Variants in DTNB observed in about 807,000 individuals in gnomAD.
DTNB encodes the protein DTN-B.
In DTNB, 63 loss-of-function variants were observed where a neutral mutation model predicts 90.7. That is an observed-to-expected ratio of 0.69 (90% CI 0.57 to 0.86). DTNB has a LOEUF of 0.86. Among genes scored for constraint, DTNB ranks in the 40% least tolerant of loss-of-function variants. The probability of loss-of-function intolerance (pLI) is 0.00; values close to 1 mark genes in which losing one functional copy is unlikely to be tolerated. For missense variants in DTNB, 744 were observed against 807.1 expected (o/e 0.92, Z 0.95); for synonymous variants, 277 against 286.7 (o/e 0.97, Z 0.34).
Position 25,425,972 on chromosome 2 carries a change from A to G in DTNB, c.1554+1563T>C, listed in dbSNP as rs2051442968. On this transcript the variant is annotated intron_variant, in intron 15 of 20. Coordinates refer to ENST00000406818, the MANE Select transcript of DTNB (RefSeq NM_021907.5). The stretch of plus-strand genomic sequence containing the variant: ...GTCCTAGCCACTCAGGAGGCTGAGG[A>G]AGGAGGATCCCTTGGACCCAGCTCA... 2.0e-5 allele frequency among the ~76,000 whole-genome samples: 3 copies of G among 152,194 alleles called. No individual in the cohort carries two copies. In the South Asian group the frequency reaches 6.2e-4, roughly 32 times the overall value.
chr2:25,609,244 A>C (rs980432609), intron 4 of DTNB, among the ~76,000 whole-genome samples: 2 of 152,206 alleles, frequency 1.3e-5, no homozygotes, highest in Admixed American at 1.3e-4. Context: ...ACCTGAAGTA[A>C]AGTGGCCCAC....
In DTNB at chr2:25,648,993, C is replaced by CTTTTTTTTTTTT. The variant is rs60749102; in HGVS notation, c.67+3589_67+3600dup. 1.7e-4 allele frequency among the ~76,000 whole-genome samples: 16 copies of CTTTTTTTTTTTT among 94,032 alleles called. 1 individual carries two copies. Among genetic ancestry groups the CTTTTTTTTTTTT allele is most frequent in the Admixed American group, 3.9e-4 (3 of 7,628 alleles). 61.7% of individuals were successfully genotyped at this position (94,032 alleles called of 152,430 possible). On this transcript the variant is annotated intron_variant, in intron 2 of 20. Transcript: ENST00000406818. ...AAAAACAAGACGCTATCCTTCCTACCTTTTTTTTTTTTTTTTTTTTTTTTT... is the reference window on the plus strand; with the variant it reads ...AAAAACAAGACGCTATCCTTCCTACCTTTTTTTTTTTTTTTTTTTTTTTTTTTTTTTTTTTTT...
intron 12 of DTNB, among the ~76,000 whole-genome samples, chr2:25,448,097 C>A (rs1008501562): frequency 6.6e-6 from 1 of 152,224 alleles, no homozygotes; most frequent in Non-Finnish European, 1.5e-5. Flanking sequence ...CAGAAGCTAT[C>A]CCTTACTCTC....
At chr2:25,558,846 C>T (rs1211445870) in intron 8 of DTNB, among the ~76,000 whole-genome samples, 10 of 152,190 alleles carry the variant, frequency 6.6e-5, no homozygotes, top group Admixed American at 6.5e-4. Context: ...GACTATTCCC[C>T]CTAACCCTTG....
At chr2:25,484,600 A>T (rs569107847) in intron 9 of DTNB, among the ~76,000 whole-genome samples, 10 of 152,308 alleles carry the variant, frequency 6.6e-5, no homozygotes, top group African/African-American at 2.4e-4. Context: ...ATTTTTAAAA[A>T]TGATTTTTCC....
chr2:25,498,847 C>CAAAAA (rs34017287), intron 9 of DTNB, among the ~76,000 whole-genome samples: 91 of 64,776 alleles, frequency 1.4e-3, no homozygotes, highest in East Asian at 2.8e-3. Flanking sequence ...AACCCTGTCT[C>CAAAAA]AAAAAAAAAA....
intron 9 of DTNB, among the ~76,000 whole-genome samples, chr2:25,530,070 A>ATTC (rs1474638637): frequency 6.6e-6 from 1 of 152,222 alleles, no homozygotes; most frequent in East Asian, 1.9e-4. Flanking sequence ...TATAATTATG[A>ATTC]AAAACAGGGA....
intron 5 of DTNB, among the ~76,000 whole-genome samples, chr2:25,603,466 C>T (rs1283625907): frequency 1.3e-5 from 2 of 152,138 alleles, no homozygotes; most frequent in Non-Finnish European, 2.9e-5. Flanking sequence ...TAAATGAATG[C>T]TACCTGGAGA....
At chr2:25,500,937 T>C (rs546991751) in intron 9 of DTNB, among the ~76,000 whole-genome samples, 2 of 152,334 alleles carry the variant, frequency 1.3e-5, no homozygotes, top group Admixed American at 6.5e-5. Context: ...CTGGCCACTT[T>C]TGAGGAGGCT....
At chr2:25,632,755 CCTTT>C (rs2076047505) in intron 3 of DTNB, among the ~76,000 whole-genome samples, 1 of 152,164 alleles carries the variant, frequency 6.6e-6, no homozygotes, top group Non-Finnish European at 1.5e-5. Flanking sequence ...AAAATAAATT[CCTTT>C]CTTTTTAAAT....
At chr2:25,431,462 G>A (rs2053825446) in intron 14 of DTNB, among the ~76,000 whole-genome samples, 1 of 152,140 alleles carries the variant, frequency 6.6e-6, no homozygotes, top group Non-Finnish European at 1.5e-5. Flanking sequence ...CTTTAAAATA[G>A]TCCCTCCTTT....
intron 9 of DTNB, among the ~76,000 whole-genome samples, chr2:25,515,527 A>T (rs1258895669): frequency 6.6e-6 from 1 of 152,202 alleles, no homozygotes; most frequent in Non-Finnish European, 1.5e-5. Flanking sequence ...TGGTGCAAGG[A>T]ATGGTCTTTT....
At chr2:25,434,203 T>A (rs1328454089) in intron 12 of DTNB, among the ~76,000 whole-genome samples, 2 of 152,086 alleles carry the variant, frequency 1.3e-5, no homozygotes, top group African/African-American at 4.8e-5. Flanking sequence ...ACATTTTCCA[T>A]CACCGCAAAA....
intron 5 of DTNB, 75 bp downstream of exon 5, chr2:25,607,161 T>C (rs2067285775): frequency 6.8e-7 from 1 of 1,479,296 alleles, no homozygotes; most frequent in Non-Finnish European, 9.2e-7. Context: ...ATAACATCAT[T>C]CAAAATTCTG....
intron 10 of DTNB, among the ~76,000 whole-genome samples, chr2:25,476,061 A>C (rs2063683663): frequency 7.6e-6 from 1 of 131,010 alleles, no homozygotes; most frequent in South Asian, 2.4e-4. Flanking sequence ...TGGATCAAGA[A>C]GTAATTTTTT....
At position 25,432,945 on chromosome 2, in the gene DTNB, C is replaced by T. The variant is rs541003415; in HGVS notation, c.1398G>A (p.Gln466=). 107 of 1,611,170 alleles carry T rather than the reference C, an allele frequency of 6.6e-5. 1 individual carries two copies. The South Asian group carries it at 1.2e-3, about 17-fold the overall frequency. The change falls in exon 14 of 21, where the codon CAG becomes CAA. Residue 466 remains glutamine (Q), a synonymous_variant. Transcript: ENST00000406818. The part of the protein sequence containing the change: ...RLRLEHEQAS[Q]PTPEKAQQNP... ...TCTGCTGTGCCTTCTCAGGGGTGGG[C>T]TGGGAGGCCTGCTCGTGTTCCAGGC... is the stretch of plus-strand genomic sequence containing the variant.
chr2:25,380,641 A>G (rs1211915218), intron 19 of DTNB, among the ~76,000 whole-genome samples: 3 of 152,264 alleles, frequency 2.0e-5, no homozygotes, highest in Admixed American at 6.5e-5. Context: ...GAAAGACAGA[A>G]GAGATGCAGA....
intron 9 of DTNB, among the ~76,000 whole-genome samples, chr2:25,513,271 CTT>C (rs2074316707): frequency 6.6e-6 from 1 of 152,134 alleles, no homozygotes; most frequent in African/African-American, 2.4e-5. Flanking sequence ...ACAGGTATAA[CTT>C]AGGTTTAGAT....
chr2:25,452,918 T>C (rs556620544), intron 11 of DTNB, among the ~76,000 whole-genome samples: 1 of 152,262 alleles, frequency 6.6e-6, no homozygotes, highest in African/African-American at 2.4e-5. Context: ...AATGATCTTG[T>C]AATAAGAACA....
Sources: gnomAD v4.1 joint callset for allele counts (sites outside exome capture counted in the v4.1 genomes callset) on GRCh38, gnomAD v4.1.1 for gene constraint, MANE v1.5 for transcripts, NCBI Gene and HGNC (gene_info 2026-07-23, HGNC 2026-07-21) for gene names.